Variants in STXBP5L observed in about 807,000 individuals in gnomAD.
STXBP5L encodes syntaxin binding protein 5L, also known as syntaxin-binding protein 5-like.
In STXBP5L, 65 loss-of-function variants were observed where a neutral mutation model predicts 144.5. The ratio of observed to expected loss-of-function variants is 0.45; its 90% CI spans 0.37 to 0.55. STXBP5L has a LOEUF of 0.55. STXBP5L is among the 20% of genes least tolerant of loss of function. The pLI is 0.00. For missense variants in STXBP5L, 1,298 were observed against 1,405.5 expected, an observed-to-expected ratio of 0.92 and a Z score of 1.22; for synonymous variants, 505 against 469.6, an observed-to-expected ratio of 1.08 and a Z score of -0.97.
chr3:121,100,005 G>A (rs190432954), intron 5 of STXBP5L, among the ~76,000 whole-genome samples: 8 of 152,166 alleles, frequency 5.3e-5, no homozygotes, highest in Non-Finnish European at 1.2e-4. Context: ...GGATAAAGAA[G>A]GACATTACAT....
chr3:121,180,935 AAGAAG>A (rs1379492860), intron 9 of STXBP5L, among the ~76,000 whole-genome samples: 5 of 151,508 alleles, frequency 3.3e-5, no homozygotes, highest in South Asian at 2.1e-4. Context: ...AGAAAGAGAA[AAGAAG>A]AGAAGAGAAA....
chr3:121,268,101 A>C (rs550629092), intron 18 of STXBP5L, among the ~76,000 whole-genome samples: 15 of 152,334 alleles, frequency 9.8e-5, no homozygotes, highest in Admixed American at 9.8e-4. Context: ...ATAAAGACAC[A>C]TGCACACATG....
intron 12 of STXBP5L, among the ~76,000 whole-genome samples, chr3:121,234,314 G>A (rs1400876610): frequency 6.6e-6 from 1 of 151,954 alleles, no homozygotes; most frequent in African/African-American, 2.4e-5. Flanking sequence ...ACACAATTTT[G>A]TAAGTTGTCT....
At chr3:121,256,065 A>T (rs1192392704) in intron 16 of STXBP5L, among the ~76,000 whole-genome samples, 1 of 152,116 alleles carries the variant, frequency 6.6e-6, no homozygotes, top group East Asian at 1.9e-4. Context: ...GCCATAAGTC[A>T]GTAGTAGAAT....
chr3:121,231,914 A>T (rs1269385152), intron 11 of STXBP5L, among the ~76,000 whole-genome samples: 1 of 152,190 alleles, frequency 6.6e-6, no homozygotes, highest in Non-Finnish European at 1.5e-5. Context: ...AGCATTTTGG[A>T]CTCTGAGTTT....
intron 3 of STXBP5L, among the ~76,000 whole-genome samples, chr3:121,030,012 A>G (rs1254012115): frequency 6.6e-6 from 1 of 152,196 alleles, no homozygotes; most frequent in Non-Finnish European, 1.5e-5. Flanking sequence ...GGTGATTATT[A>G]AAAAGTCAGG....
chr3:120,940,907 CATAT>C (rs933892190), intron 2 of STXBP5L, among the ~76,000 whole-genome samples: 1 of 150,392 alleles, frequency 6.6e-6, no homozygotes, highest in African/African-American at 2.4e-5. Context: ...TATGTTTTAA[CATAT>C]ATATATATAA....
intron 3 of STXBP5L, among the ~76,000 whole-genome samples, chr3:120,975,008 A>T (rs1300314752): frequency 6.6e-6 from 1 of 152,084 alleles, no homozygotes; most frequent in Admixed American, 6.6e-5. Flanking sequence ...TTGGCTTAGG[A>T]TTGACTTGGC....
At chr3:121,230,917 T>C (rs1282045946) in intron 11 of STXBP5L, among the ~76,000 whole-genome samples, 1 of 152,138 alleles carries the variant, frequency 6.6e-6, no homozygotes, top group Non-Finnish European at 1.5e-5. Context: ...GAGGAGCTAG[T>C]TGAAGAAGGT....
intron 19 of STXBP5L, among the ~76,000 whole-genome samples, chr3:121,305,440 A>T (rs1459563986): frequency 6.6e-6 from 1 of 152,312 alleles, no homozygotes; most frequent in East Asian, 1.9e-4. Flanking sequence ...GAAGACAAAC[A>T]TATAAAAGAA....
At chr3:121,410,564 T>C (rs544344922) in intron 23 of STXBP5L, among the ~76,000 whole-genome samples, 15 of 152,052 alleles carry the variant, frequency 9.9e-5, no homozygotes, top group African/African-American at 2.9e-4. Flanking sequence ...AAGGTAACTC[T>C]CCTGAGCCCA....
intron 19 of STXBP5L, among the ~76,000 whole-genome samples, chr3:121,299,547 A>G (rs947753382): frequency 1.3e-5 from 2 of 152,136 alleles, no homozygotes; most frequent in Non-Finnish European, 2.9e-5. Flanking sequence ...CGTCACTAGA[A>G]ATGATCCAAA....
chr3:120,935,974 A>G (rs148840213), intron 2 of STXBP5L, among the ~76,000 whole-genome samples: 5 of 151,944 alleles, frequency 3.3e-5, no homozygotes, highest in African/African-American at 1.2e-4. Context: ...CTTTCTCTTG[A>G]CCTTTCTGAT....
chr3:121,303,034 A>G (rs1373638131), intron 19 of STXBP5L, among the ~76,000 whole-genome samples: 1 of 152,250 alleles, frequency 6.6e-6, no homozygotes, highest in East Asian at 1.9e-4. Context: ...GATAAATGGG[A>G]TCTAATTAAG....
chr3:121,279,396 G>A (rs2050980337), intron 18 of STXBP5L, among the ~76,000 whole-genome samples: 1 of 151,850 alleles, frequency 6.6e-6, no homozygotes, highest in African/African-American at 2.4e-5. Context: ...GAGTCTAGTA[G>A]TTATAATTTT....
At chr3:121,158,477 C>G (rs1443018847) in intron 9 of STXBP5L, 1 of 152,100 alleles carries the variant, frequency 6.6e-6, no homozygotes, top group African/African-American at 2.4e-5. Context: ...TGTTTGTCTG[C>G]CATTTTTTTG....
At chr3:121,292,364 G>T (rs2051472525) in intron 19 of STXBP5L, among the ~76,000 whole-genome samples, 1 of 152,120 alleles carries the variant, frequency 6.6e-6, no homozygotes. Context: ...CTGCAAGAAT[G>T]GCCGTAATTT....
chr3:121,070,635 C>A (rs1316471380), intron 5 of STXBP5L, among the ~76,000 whole-genome samples: 1 of 151,990 alleles, frequency 6.6e-6, no homozygotes, highest in Non-Finnish European at 1.5e-5. Context: ...TCTTGTGATA[C>A]CAGTTGGTAC....
At chr3:121,296,459 C>G (rs922000248) in intron 19 of STXBP5L, among the ~76,000 whole-genome samples, 1 of 152,224 alleles carries the variant, frequency 6.6e-6, no homozygotes, top group East Asian at 1.9e-4. Context: ...ATGTAAAAGA[C>G]CTTAATCCCC....
Sources: allele counts gnomAD v4.1 joint callset (sites outside exome capture counted in the v4.1 genomes callset), GRCh38; gene constraint gnomAD v4.1.1; transcripts MANE v1.5; gene names NCBI Gene and HGNC (gene_info 2026-07-23, HGNC 2026-07-21).